Variants in INSR observed in about 807,000 individuals in gnomAD.
The protein encoded by INSR is IR.
Under a neutral mutation model 142.6 loss-of-function variants are expected in INSR, and 67 were observed. That is an observed-to-expected ratio of 0.47 (90% CI 0.39 to 0.58). The LOEUF is 0.58. INSR is among the 20% of genes least tolerant of loss of function. The probability of loss-of-function intolerance (pLI) is 0.00; values close to 1 mark genes in which losing one functional copy is unlikely to be tolerated. For missense variants in INSR, 1,248 were observed against 1,833.2 expected, an observed-to-expected ratio of 0.68 and a Z score of 5.83; for synonymous variants, 756 against 743.1, an observed-to-expected ratio of 1.02 and a Z score of -0.28.
intron 2 of INSR, among the ~76,000 whole-genome samples, chr19:7,233,046 C>G (rs962755729): frequency 6.6e-6 from 1 of 151,944 alleles, no homozygotes; most frequent in Non-Finnish European, 1.5e-5. Flanking sequence ...AGTGCAGTGG[C>G]GCCACCTCGC....
chr19:7,169,280 C>T (rs1477110586), intron 6 of INSR, among the ~76,000 whole-genome samples: 1 of 152,080 alleles, frequency 6.6e-6, no homozygotes, highest in Non-Finnish European at 1.5e-5. Context: ...TGTCAAAAGG[C>T]TCTTCATGGC....
At chr19:7,135,923 G>A (rs778308409) in intron 13 of INSR, among the ~76,000 whole-genome samples, 8 of 148,390 alleles carry the variant, frequency 5.4e-5, no homozygotes, top group African/African-American at 5.0e-5. Context: ...AGCCAAGATC[G>A]TACCAATGCA....
chr19:7,197,843 A>AGAGAGAAC (rs1443827770), intron 2 of INSR, among the ~76,000 whole-genome samples: 2 of 109,392 alleles, frequency 1.8e-5, no homozygotes, highest in African/African-American at 7.6e-5. Context: ...AACGAGAGAG[A>AGAGAGAAC]GAGAGAGAGA....
intron 2 of INSR, among the ~76,000 whole-genome samples, chr19:7,187,976 C>A (rs1974474514): frequency 6.6e-6 from 1 of 152,082 alleles, no homozygotes; most frequent in Admixed American, 6.6e-5. Flanking sequence ...GGGGTCTAAT[C>A]CCTGCCAGTC....
chr19:7,203,633 A>G (rs1271540586), intron 2 of INSR, among the ~76,000 whole-genome samples: 2 of 152,112 alleles, frequency 1.3e-5, no homozygotes, highest in Non-Finnish European at 2.9e-5. Context: ...TTTTCCCGGG[A>G]GCTTCTACAT....
chr19:7,263,663 G>A (rs1481046924), intron 2 of INSR, among the ~76,000 whole-genome samples: 2 of 152,170 alleles, frequency 1.3e-5, no homozygotes, highest in African/African-American at 4.8e-5. Context: ...AGGGCTCAGT[G>A]CAGCTTCGAC....
intron 2 of INSR, among the ~76,000 whole-genome samples, chr19:7,223,638 C>T (rs772147943): frequency 2.6e-5 from 4 of 152,178 alleles, no homozygotes; most frequent in Non-Finnish European, 5.9e-5. Context: ...TCATTGAACT[C>T]CTATTCACCC....
chr19:7,291,351 C>T (rs1968490603), intron 1 of INSR, among the ~76,000 whole-genome samples: 1 of 152,224 alleles, frequency 6.6e-6, no homozygotes, highest in African/African-American at 2.4e-5. Context: ...GATTAAACCG[C>T]ACCTCGTGGG....
chr19:7,172,143 C>T, intron 5 of INSR, 147 bp downstream of exon 5: 1 of 798,080 alleles, frequency 1.3e-6, no homozygotes, highest in Non-Finnish European at 2.1e-6. Flanking sequence ...AACTCCCCGC[C>T]TCAAGTGATT....
At chr19:7,207,681 G>C (rs1447108744) in intron 2 of INSR, among the ~76,000 whole-genome samples, 1 of 152,008 alleles carries the variant, frequency 6.6e-6, no homozygotes, top group Non-Finnish European at 1.5e-5. Flanking sequence ...CCAGCACTTT[G>C]GGAGGCTGAG....
chr19:7,125,645 T>C lies in INSR; in HGVS notation c.3014-118A>G. Reference sequence around the variant, plus strand: ...AACACTCATGAAATGAGTTCTGTGATCCAGGACCCATGCCGGGCACTGGGC... The same window carrying C: ...AACACTCATGAAATGAGTTCTGTGACCCAGGACCCATGCCGGGCACTGGGC... On this transcript the variant is annotated intron_variant, in intron 16 of 21. Transcript: ENST00000302850. The surrounding 1 kb of genome is among the most constrained non-coding windows in gnomAD (Gnocchi z 4.9). 2 of 1,385,782 alleles carry C rather than the reference T, an allele frequency of 1.4e-6. No homozygotes were observed. Among genetic ancestry groups the C allele is most frequent in the Admixed American group, 3.6e-5 (2 of 55,768 alleles). 85.8% of individuals were successfully genotyped at this position (1,385,782 alleles called of 1,614,324 possible).
intron 5 of INSR, among the ~76,000 whole-genome samples, chr19:7,171,366 C>A (rs1974012068): frequency 1.3e-5 from 2 of 152,044 alleles, no homozygotes; most frequent in Admixed American, 1.3e-4. Flanking sequence ...TCCTTTTGTC[C>A]CTTTCCCCAT....
At chr19:7,176,951 C>T (rs1974147939) in intron 3 of INSR, among the ~76,000 whole-genome samples, 1 of 152,196 alleles carries the variant, frequency 6.6e-6, no homozygotes, top group South Asian at 2.1e-4. Context: ...GGAGACAGGA[C>T]ATTTGCTGTT....
intron 3 of INSR, among the ~76,000 whole-genome samples, chr19:7,176,789 T>C (rs1316515804): frequency 6.6e-6 from 1 of 152,180 alleles, no homozygotes; most frequent in Non-Finnish European, 1.5e-5. Context: ...CTTTTCTTTA[T>C]AAATTACCCA....
At chr19:7,284,277 C>T (rs925323358) in intron 1 of INSR, among the ~76,000 whole-genome samples, 4 of 151,908 alleles carry the variant, frequency 2.6e-5, no homozygotes, top group Non-Finnish European at 5.9e-5. Flanking sequence ...GTTGCCCAGG[C>T]TGGTCTCAAA....
intron 1 of INSR, among the ~76,000 whole-genome samples, chr19:7,281,693 T>A (rs990540182): frequency 2.0e-5 from 3 of 151,944 alleles, no homozygotes; most frequent in Non-Finnish European, 2.9e-5. Flanking sequence ...ATGATAAGAA[T>A]AAATGAGATT....
At position 7,168,611 on chromosome 19, in the gene INSR, C is replaced by T. The variant is rs1167540357; in HGVS notation, c.1484-517G>A. Among the ~76,000 whole-genome samples the T allele has an allele frequency of 2.0e-5, 3 of 152,134 alleles. No homozygotes were observed. The highest frequency in any genetic ancestry group is 7.2e-5 in the African/African-American group (3 of 41,428). On this transcript the variant is annotated intron_variant, in intron 6 of 21. Transcript: ENST00000302850. The surrounding 1 kb of genome is among the most constrained non-coding windows in gnomAD (Gnocchi z 4.3). ...ACCCTCTCCTAAACCTCACCCCAAC[C>T]TCGCTCTCTCTCCTTGCACTACATT...
rs183119939 is a variant in INSR, at chr19:7,155,114, A to G, written c.2030-2187T>C. Among the ~76,000 whole-genome samples the G allele has an allele frequency of 2.7e-3, 409 of 152,284 alleles. 4 individuals carry two copies. Among genetic ancestry groups the G allele is most frequent in the African/African-American group, 9.3e-3 (385 of 41,550 alleles). On this transcript the variant is annotated intron_variant, in intron 9 of 21. Transcript: ENST00000302850. Reference sequence around the variant, plus strand: ...CCATTTTCATGAAGGGGTCTCAAAGAAAGTCACCACTGAGACATCCTGAAT... The same window carrying G: ...CCATTTTCATGAAGGGGTCTCAAAGGAAGTCACCACTGAGACATCCTGAAT...
Position 7,294,022 on chromosome 19 carries a change from G to C in INSR, c.-131C>G, listed in dbSNP as rs569083512. ...TCTCTTCCACGCCCGCGACCCGCGGGCCGCAGCCCCCCTGCCGGGGAGGGC... is the reference window on the plus strand; with the variant it reads ...TCTCTTCCACGCCCGCGACCCGCGGCCCGCAGCCCCCCTGCCGGGGAGGGC... On this transcript the variant is annotated 5_prime_UTR_variant, in exon 1 of 22. Transcript: ENST00000302850. 6.0e-4 allele frequency: 610 copies of C among 1,015,698 alleles called. 3 individuals carry two copies. The African/African-American group carries it at 7.0e-3, about 12-fold the overall frequency. The allele number at this position is 1,015,698 out of a possible 1,614,324, so 62.9% of individuals were successfully genotyped here. A position where few individuals can be genotyped will look rare whatever the true frequency, so the allele number is the denominator to read the frequency against.
Sources: allele counts gnomAD v4.1 joint callset (sites outside exome capture counted in the v4.1 genomes callset), GRCh38; gene constraint gnomAD v4.1.1; non-coding constraint Gnocchi (gnomAD v3.1); transcripts MANE v1.5; gene names NCBI Gene and HGNC (gene_info 2026-07-23, HGNC 2026-07-21).